Variants in RSU1 observed in about 807,000 individuals in gnomAD.
RSU1 encodes the protein Ras suppressor protein 1, also known as rsu-1.
In RSU1, 26 loss-of-function variants were observed where a neutral mutation model predicts 31.1. The observed-to-expected ratio is 0.84, with a 90% CI of 0.61 to 1.16. The LOEUF is 1.16. Ranked by LOEUF, RSU1 falls within the 50% of genes most tolerant of loss-of-function variation. The probability of loss-of-function intolerance (pLI) is 0.00; values close to 1 mark genes in which losing one functional copy is unlikely to be tolerated. For synonymous variants in RSU1, 164 were observed against 136.3 expected (o/e 1.20, Z -1.41); for missense variants, 320 against 339.1 (o/e 0.94, Z 0.44).
chr10:16,644,721 A>C (rs1834504853), intron 8 of RSU1, among the ~76,000 whole-genome samples: 1 of 152,226 alleles, frequency 6.6e-6, no homozygotes. Context: ...TTTATGGTGA[A>C]CAGGAGAGCA....
intron 8 of RSU1, among the ~76,000 whole-genome samples, chr10:16,650,422 C>A (rs978396618): frequency 5.3e-5 from 8 of 152,110 alleles, no homozygotes; most frequent in African/African-American, 1.9e-4. Context: ...GTAGGTCCTC[C>A]ATAAATGTTC....
rs117348001 is a variant in RSU1, at chr10:16,675,581, A to C, written c.731+19442T>G. Among the ~76,000 whole-genome samples the C allele has an allele frequency of 3.0e-3, 464 of 152,338 alleles. 2 individuals carry two copies. The highest frequency in any genetic ancestry group is 5.8e-3 in the Admixed American group (89 of 15,300). ...GCGTCAGGAAGAGACAAGAAAAGGAAAATTTGGAAATATGGGATCACTATT... is the reference window on the plus strand; with the variant it reads ...GCGTCAGGAAGAGACAAGAAAAGGACAATTTGGAAATATGGGATCACTATT... On this transcript the variant is annotated intron_variant, in intron 8 of 8. Transcript: ENST00000345264.
chr10:16,779,806 A>G (rs749222910), intron 3 of RSU1, among the ~76,000 whole-genome samples: 11 of 152,218 alleles, frequency 7.2e-5, no homozygotes, highest in East Asian at 1.9e-4. Context: ...TATTTACTAT[A>G]AACACTTGAA....
At chr10:16,617,777 C>A (rs1270878939) in intron 8 of RSU1, among the ~76,000 whole-genome samples, 1 of 152,166 alleles carries the variant, frequency 6.6e-6, no homozygotes, top group African/African-American at 2.4e-5. Context: ...ACTGGCTAGC[C>A]ATATGCAGAA....
At chr10:16,715,487 A>T (rs1318419681) in intron 7 of RSU1, among the ~76,000 whole-genome samples, 1 of 152,204 alleles carries the variant, frequency 6.6e-6, no homozygotes, top group Non-Finnish European at 1.5e-5. Context: ...TCTATATGTT[A>T]TTAGGCAAGG....
At chr10:16,611,806 T>C (rs1476617445) in intron 8 of RSU1, among the ~76,000 whole-genome samples, 1 of 152,218 alleles carries the variant, frequency 6.6e-6, no homozygotes, top group African/African-American at 2.4e-5. Flanking sequence ...CAGGCTGCTT[T>C]TCCAGAGAGC....
intron 7 of RSU1, among the ~76,000 whole-genome samples, chr10:16,708,130 G>T (rs7893571): frequency 0.75 from 113,330 of 152,028 alleles, 43,239 homozygotes; most frequent in African/African-American, 0.91. Context: ...TGTAGTAGCA[G>T]TGACCCTTGA....
At chr10:16,640,641 C>A (rs1420213047) in intron 8 of RSU1, among the ~76,000 whole-genome samples, 2 of 152,254 alleles carry the variant, frequency 1.3e-5, no homozygotes, top group African/African-American at 4.8e-5. Flanking sequence ...CCTGCTGCCA[C>A]AGGGCCTTCG....
rs894294990 is a variant in RSU1, at chr10:16,592,045, A to G, written c.*1349T>C. ...GCGAAGTCTGTTTCCTAAGTAACTC[A>G]GAACTTGTTGTTTGATTTTGATTTT... On this transcript the variant is annotated 3_prime_UTR_variant, in exon 9 of 9. Transcript: ENST00000345264. 21 of 152,102 alleles carry G rather than the reference A, an allele frequency of 1.4e-4. No individual in the cohort carries two copies. The highest frequency in any genetic ancestry group is 4.8e-4 in the African/African-American group (20 of 41,322). 9.4% of individuals were successfully genotyped at this position (152,102 alleles called of 1,614,324 possible). A position where few individuals can be genotyped will look rare whatever the true frequency, so the allele number is the denominator to read the frequency against.
intron 8 of RSU1, among the ~76,000 whole-genome samples, chr10:16,689,072 ATTGT>A (rs1835494596): frequency 6.6e-6 from 1 of 152,122 alleles, no homozygotes; most frequent in South Asian, 2.1e-4. Context: ...CTACACAGAA[ATTGT>A]TTTTCTGTGG....
intron 2 of RSU1, among the ~76,000 whole-genome samples, chr10:16,802,968 C>T (rs1328570432): frequency 3.3e-5 from 5 of 152,140 alleles, no homozygotes; most frequent in African/African-American, 4.8e-5. Context: ...CAGTTGGGAA[C>T]AAGGCAAGGA....
At chr10:16,648,076 G>A (rs1363698228) in intron 8 of RSU1, among the ~76,000 whole-genome samples, 1 of 150,314 alleles carries the variant, frequency 6.7e-6, no homozygotes, top group Non-Finnish European at 1.5e-5. Context: ...AGCCTCCCAA[G>A]TAGCTGAGAC....
chr10:16,657,513 C>A (rs1588698323), intron 8 of RSU1, among the ~76,000 whole-genome samples: 3 of 144,930 alleles, frequency 2.1e-5, no homozygotes, highest in African/African-American at 2.6e-5. Context: ...ATTACCATAA[C>A]ATCTCAATCA....
At chr10:16,811,887 C>T (rs1838417119) in intron 2 of RSU1, among the ~76,000 whole-genome samples, 2 of 152,144 alleles carry the variant, frequency 1.3e-5, no homozygotes, top group South Asian at 4.1e-4. Flanking sequence ...AAGTACTATG[C>T]CAAGTAGAGA....
intron 7 of RSU1, among the ~76,000 whole-genome samples, chr10:16,698,842 T>G (rs1422405259): frequency 6.6e-6 from 1 of 152,168 alleles, no homozygotes; most frequent in Non-Finnish European, 1.5e-5. Context: ...TTCCAACCCA[T>G]CTGCATATTT....
chr10:16,642,579 G>C (rs1011879772), intron 8 of RSU1, among the ~76,000 whole-genome samples: 1 of 152,120 alleles, frequency 6.6e-6, no homozygotes, highest in Non-Finnish European at 1.5e-5. Context: ...GGTAAACAAA[G>C]AAACATCATG....
At chr10:16,709,512 G>A (rs1028123110) in intron 7 of RSU1, among the ~76,000 whole-genome samples, 5 of 152,170 alleles carry the variant, frequency 3.3e-5, no homozygotes, top group African/African-American at 1.2e-4. Context: ...TATATACCCA[G>A]CAATGGGATG....
At chr10:16,653,717 T>G (rs1057132976) in intron 8 of RSU1, among the ~76,000 whole-genome samples, 3 of 152,110 alleles carry the variant, frequency 2.0e-5, no homozygotes, top group Non-Finnish European at 4.4e-5. Context: ...TGAAGCCAGC[T>G]GTACTAGATT....
intron 2 of RSU1, among the ~76,000 whole-genome samples, chr10:16,790,457 G>C (rs1392430257): frequency 6.6e-6 from 1 of 152,190 alleles, no homozygotes; most frequent in Admixed American, 6.5e-5. Context: ...GATTTAGAAA[G>C]ACAATGGCAG....
Sources: gnomAD v4.1 joint callset for allele counts (sites outside exome capture counted in the v4.1 genomes callset) on GRCh38, gnomAD v4.1.1 for gene constraint, MANE v1.5 for transcripts, NCBI Gene and HGNC (gene_info 2026-07-23, HGNC 2026-07-21) for gene names.